WWOX: variants seen among roughly 807,000 people sequenced by gnomAD.
WWOX encodes the protein WW domain containing oxidoreductase.
WWOX carries 69 observed loss-of-function variants against 46.2 expected under a neutral mutation model. The observed-to-expected ratio is 1.49, with a 90% CI of 1.23 to 1.82. The LOEUF is 1.82. Ranked by LOEUF, WWOX falls within the 40% of genes most tolerant of loss-of-function variation. The pLI is 0.00. For synonymous variants in WWOX, 359 were observed against 202.6 expected, an observed-to-expected ratio of 1.77 and a Z score of -6.56; for missense variants, 919 against 542.6, an observed-to-expected ratio of 1.69 and a Z score of -6.89.
At chr16:79,127,351 C>T (rs192892411) in intron 8 of WWOX, among the ~76,000 whole-genome samples, 1 of 152,240 alleles carries the variant, frequency 6.6e-6, no homozygotes, top group East Asian at 1.9e-4. Flanking sequence ...GTATATTCTT[C>T]TGCCCTCCCC....
chr16:78,568,041 G>C (rs904228187), intron 8 of WWOX, among the ~76,000 whole-genome samples: 1 of 152,162 alleles, frequency 6.6e-6, no homozygotes, highest in Non-Finnish European at 1.5e-5. Context: ...AGGAGTCTTT[G>C]TCTCATTTAC....
intron 8 of WWOX, among the ~76,000 whole-genome samples, chr16:78,615,009 C>T (rs917700703): frequency 3.3e-5 from 5 of 152,216 alleles, no homozygotes; most frequent in East Asian, 3.9e-4. Context: ...ACAGCTCCCT[C>T]CCTAATCTTG....
At chr16:78,820,902 C>G (rs898362425) in intron 8 of WWOX, among the ~76,000 whole-genome samples, 5 of 152,260 alleles carry the variant, frequency 3.3e-5, no homozygotes, top group South Asian at 2.1e-4. Flanking sequence ...ACATTCTAAT[C>G]TCTACTTCCT....
At chr16:78,389,286 C>T (rs989205397) in intron 6 of WWOX, among the ~76,000 whole-genome samples, 2 of 152,162 alleles carry the variant, frequency 1.3e-5, no homozygotes, top group African/African-American at 4.8e-5. Context: ...ATTCATTTAT[C>T]CACCCGTTCC....
chr16:78,760,278 T>A (rs551290268), intron 8 of WWOX, among the ~76,000 whole-genome samples: 23 of 152,188 alleles, frequency 1.5e-4, no homozygotes, highest in Middle Eastern at 3.4e-3. Context: ...GAGAAATCGA[T>A]CCTGTGATTC....
At chr16:78,678,860 G>T (rs1437181372) in intron 8 of WWOX, among the ~76,000 whole-genome samples, 1 of 152,132 alleles carries the variant, frequency 6.6e-6, no homozygotes, top group Non-Finnish European at 1.5e-5. Flanking sequence ...GTGCTTCCCA[G>T]TTTACTCTGG....
At chr16:79,092,020 C>G (rs900216476) in intron 8 of WWOX, among the ~76,000 whole-genome samples, 2 of 151,958 alleles carry the variant, frequency 1.3e-5, no homozygotes, top group Admixed American at 6.6e-5. Flanking sequence ...ACCTCGTGAT[C>G]TTTTCTCGCC....
intron 8 of WWOX, among the ~76,000 whole-genome samples, chr16:78,539,249 G>A (rs1165512255): frequency 6.6e-6 from 1 of 152,212 alleles, no homozygotes; most frequent in Admixed American, 6.5e-5. Flanking sequence ...GTAATTAGAT[G>A]CACAGACAAA....
intron 8 of WWOX, among the ~76,000 whole-genome samples, chr16:78,846,275 A>C (rs1391666411): frequency 6.6e-6 from 1 of 152,216 alleles, no homozygotes; most frequent in Non-Finnish European, 1.5e-5. Flanking sequence ...TAACCTTGTT[A>C]TGATGCTATT....
chr16:78,538,958 G>C (rs888121940), intron 8 of WWOX, among the ~76,000 whole-genome samples: 1 of 152,122 alleles, frequency 6.6e-6, no homozygotes, highest in African/African-American at 2.4e-5. Context: ...TGCTTTGGAC[G>C]GCAAACCAAG....
chr16:78,553,754 A>G (rs2044226756), intron 8 of WWOX, among the ~76,000 whole-genome samples: 1 of 152,044 alleles, frequency 6.6e-6, no homozygotes, highest in African/African-American at 2.4e-5. Flanking sequence ...TGACCAGAGT[A>G]AGTGAAGTCA....
Position 78,868,684 on chromosome 16 carries a change from G to T in WWOX, c.1057-342924G>T, listed in dbSNP as rs535781766. On this transcript the variant is annotated intron_variant, in intron 8 of 8. Coordinates refer to ENST00000566780, the MANE Select transcript of WWOX (RefSeq NM_016373.4). Reference sequence around the variant, plus strand: ...AACAGTTTAGCAAGAGTCACTCTGAGATTGAAGAGAGGAAGGGAACGTTGG... The same window carrying T: ...AACAGTTTAGCAAGAGTCACTCTGATATTGAAGAGAGGAAGGGAACGTTGG... Among the ~76,000 whole-genome samples, 116 of 152,256 alleles carry T rather than the reference G, an allele frequency of 7.6e-4. 1 individual carries two copies. The highest frequency in any genetic ancestry group is 2.5e-3 in the African/African-American group (104 of 41,560).
At chr16:78,307,990 G>A (rs1317558547) in intron 5 of WWOX, among the ~76,000 whole-genome samples, 6 of 152,206 alleles carry the variant, frequency 3.9e-5, no homozygotes, top group Admixed American at 3.9e-4. Context: ...GAATGTGGCA[G>A]CTGATGGAGG....
intron 8 of WWOX, among the ~76,000 whole-genome samples, chr16:78,831,398 A>T (rs900755501): frequency 1.3e-5 from 2 of 152,246 alleles, no homozygotes; most frequent in African/African-American, 4.8e-5. Flanking sequence ...ATCTGTGTTC[A>T]TGTAAATGTA....
intron 8 of WWOX, among the ~76,000 whole-genome samples, chr16:78,587,163 C>T (rs2045227699): frequency 6.7e-6 from 1 of 150,020 alleles, no homozygotes; most frequent in Non-Finnish European, 1.5e-5. Flanking sequence ...GTGGCTGGAA[C>T]CACAAGCAGA....
chr16:78,825,980 A>G (rs1597678027), intron 8 of WWOX: 3 of 767,682 alleles, frequency 3.9e-6, no homozygotes, highest in Non-Finnish European at 6.2e-6. Flanking sequence ...GCCGCCTGCT[A>G]TGCCCCAGCC....
At chr16:79,136,971 A>G (rs910226226) in intron 8 of WWOX, among the ~76,000 whole-genome samples, 4 of 152,226 alleles carry the variant, frequency 2.6e-5, no homozygotes, top group African/African-American at 9.6e-5. Context: ...AATAGGAGAG[A>G]AAATAGAGCT....
intron 8 of WWOX, among the ~76,000 whole-genome samples, chr16:79,184,318 C>A (rs993198470): frequency 2.0e-5 from 3 of 152,180 alleles, no homozygotes; most frequent in Admixed American, 2.0e-4. Flanking sequence ...ATTTATTCAA[C>A]AAATGCTTTT....
At chr16:78,724,913 C>G (rs568195168) in intron 8 of WWOX, among the ~76,000 whole-genome samples, 1 of 152,288 alleles carries the variant, frequency 6.6e-6, no homozygotes, top group Admixed American at 6.5e-5. Flanking sequence ...AGGCTGAGCA[C>G]CTAGTAGTGA....
Sources: allele counts gnomAD v4.1 joint callset (sites outside exome capture counted in the v4.1 genomes callset), GRCh38; gene constraint gnomAD v4.1.1; transcripts MANE v1.5; gene names NCBI Gene and HGNC (gene_info 2026-07-23, HGNC 2026-07-21).